GRID2: variants seen among roughly 807,000 people sequenced by gnomAD.
The protein encoded by GRID2 is glutamate receptor ionotropic, delta-2.
Under a neutral mutation model 114.8 loss-of-function variants are expected in GRID2, and 33 were observed. That is an observed-to-expected ratio of 0.29 (90% CI 0.22 to 0.38). GRID2 has a LOEUF of 0.38. GRID2 is among the 10% of genes least tolerant of loss of function. The pLI is 1.00. For synonymous variants in GRID2, 505 were observed against 449.9 expected, an observed-to-expected ratio of 1.12 and a Z score of -1.55; for missense variants, 1,184 against 1,257.7, an observed-to-expected ratio of 0.94 and a Z score of 0.89.
intron 2 of GRID2, among the ~76,000 whole-genome samples, chr4:92,835,748 C>T (rs1186513600): frequency 6.6e-6 from 1 of 152,100 alleles, no homozygotes; most frequent in Admixed American, 6.6e-5. Context: ...TTTACATACA[C>T]AAATGTATGC....
At chr4:93,645,512 G>C (rs966471540) in intron 14 of GRID2, among the ~76,000 whole-genome samples, 1 of 152,064 alleles carries the variant, frequency 6.6e-6, no homozygotes, top group African/African-American at 2.4e-5. Context: ...GAGATAAAAA[G>C]AAAAAGGTTG....
chr4:92,707,431 C>A (rs1735006081), intron 2 of GRID2, among the ~76,000 whole-genome samples: 1 of 152,070 alleles, frequency 6.6e-6, no homozygotes. Flanking sequence ...AGTTCAAATA[C>A]AAATATATTA....
At chr4:92,430,257 A>C (rs2110339408) in intron 1 of GRID2, among the ~76,000 whole-genome samples, 1 of 152,232 alleles carries the variant, frequency 6.6e-6, no homozygotes, top group African/African-American at 2.4e-5. Flanking sequence ...TTAATCCTTC[A>C]ATCCATTTTG....
intron 11 of GRID2, among the ~76,000 whole-genome samples, chr4:93,477,233 G>A (rs1328323090): frequency 1.3e-5 from 2 of 152,058 alleles, no homozygotes; most frequent in East Asian, 3.9e-4. Context: ...CAATGAGCCT[G>A]CTCCTAAAAT....
chr4:92,989,611 G>T (rs1373902925), intron 2 of GRID2, among the ~76,000 whole-genome samples: 1 of 152,122 alleles, frequency 6.6e-6, no homozygotes, highest in Non-Finnish European at 1.5e-5. Flanking sequence ...CAACACAGCT[G>T]CTCTGGTCTG....
chr4:92,407,884 G>T (rs540542039), intron 1 of GRID2, among the ~76,000 whole-genome samples: 11 of 152,182 alleles, frequency 7.2e-5, no homozygotes, highest in African/African-American at 2.6e-4. Context: ...TCTGTAGGTT[G>T]TCTGTTTACT....
chr4:93,108,282 T>G (rs1732439148), intron 3 of GRID2, among the ~76,000 whole-genome samples: 1 of 152,230 alleles, frequency 6.6e-6, no homozygotes, highest in African/African-American at 2.4e-5. Context: ...GTTTACTTGT[T>G]TATTGTCTGT....
intron 2 of GRID2, among the ~76,000 whole-genome samples, chr4:92,926,142 G>A (rs914496207): frequency 6.6e-6 from 1 of 151,932 alleles, no homozygotes; most frequent in African/African-American, 2.4e-5. Flanking sequence ...TTCTAATGGT[G>A]GAGATTAATT....
chr4:93,406,794 A>G (rs1205506369), intron 9 of GRID2, among the ~76,000 whole-genome samples: 5 of 152,100 alleles, frequency 3.3e-5, no homozygotes, highest in Admixed American at 1.3e-4. Flanking sequence ...TGACCTCCCA[A>G]AATGTCCAGT....
intron 1 of GRID2, among the ~76,000 whole-genome samples, chr4:92,477,561 T>G (rs566151639): frequency 1.3e-5 from 2 of 151,918 alleles, no homozygotes; most frequent in South Asian, 4.1e-4. Context: ...TTTATCACTC[T>G]AACCCTCTAG....
chr4:93,541,879 T>C (rs532036539), intron 13 of GRID2, among the ~76,000 whole-genome samples: 1 of 152,322 alleles, frequency 6.6e-6, no homozygotes, highest in Admixed American at 6.5e-5. Flanking sequence ...ACCCTCATCA[T>C]TCTGGCCTCT....
At chr4:93,370,173 A>C (rs1297338157) in intron 8 of GRID2, among the ~76,000 whole-genome samples, 1 of 151,984 alleles carries the variant, frequency 6.6e-6, no homozygotes, top group African/African-American at 2.4e-5. Flanking sequence ...CTTCCATACA[A>C]ACAGTAGATA....
chr4:92,797,702 T>G (rs897197762), intron 2 of GRID2, among the ~76,000 whole-genome samples: 2 of 151,998 alleles, frequency 1.3e-5, no homozygotes, highest in African/African-American at 4.8e-5. Context: ...TTTTTGCTAT[T>G]TCTATGCTAC....
At chr4:93,478,101 CT>C (rs2149443569) in intron 11 of GRID2, among the ~76,000 whole-genome samples, 2 of 152,084 alleles carry the variant, frequency 1.3e-5, no homozygotes, top group African/African-American at 4.8e-5. Flanking sequence ...TCAATGGGCT[CT>C]TTTTTTCCCT....
At position 93,791,333 on chromosome 4, in the gene GRID2, A is replaced by C. The variant is rs528916431; in HGVS notation, c.222-15382A>C. Among the ~76,000 whole-genome samples the C allele has an allele frequency of 3.3e-5, 5 of 152,326 alleles. No individual in the cohort carries two copies. The East Asian group carries it at 9.6e-4, about 29-fold the overall frequency. On this transcript the variant is annotated intron_variant, in intron 1 of 1. Transcript: ENST00000637838. ...AAAATTGTTCTGATTATGTATTGGA[A>C]TATGTTTTGATCTTAAATATGTCTA...
At chr4:92,978,291 A>G (rs1471380982) in intron 2 of GRID2, among the ~76,000 whole-genome samples, 2 of 148,240 alleles carry the variant, frequency 1.3e-5, no homozygotes, top group Non-Finnish European at 3.0e-5. Flanking sequence ...GTAATTATTA[A>G]ATAATTACTG....
chr4:93,278,433 G>A (rs1305765794), intron 8 of GRID2, among the ~76,000 whole-genome samples: 1 of 151,826 alleles, frequency 6.6e-6, no homozygotes, highest in African/African-American at 2.4e-5. Flanking sequence ...GGAAGAAATG[G>A]TTATGGTGCA....
intron 8 of GRID2, among the ~76,000 whole-genome samples, chr4:93,241,211 A>G (rs1220332768): frequency 6.6e-6 from 1 of 151,700 alleles, no homozygotes; most frequent in Non-Finnish European, 1.5e-5. Flanking sequence ...TATATCTAGC[A>G]CTCTTGCTCA....
chr4:93,635,393 T>C (rs1685733983), intron 14 of GRID2, among the ~76,000 whole-genome samples: 1 of 149,042 alleles, frequency 6.7e-6, no homozygotes, highest in Non-Finnish European at 1.5e-5. Context: ...GATGCTATAA[T>C]AATATATATA....
Sources: gnomAD v4.1 joint callset for allele counts (sites outside exome capture counted in the v4.1 genomes callset) on GRCh38, gnomAD v4.1.1 for gene constraint, MANE v1.5 for transcripts, NCBI Gene and HGNC (gene_info 2026-07-23, HGNC 2026-07-21) for gene names.